The following SVEP1 variants were observed in gnomAD, a reference collection of about 807,000 sequenced individuals.
SVEP1 encodes the protein sushi, von Willebrand factor type A, EGF and pentraxin domain containing 1, also known as sushi, von Willebrand factor type A, EGF and pentraxin domain-containing protein 1.
Under a neutral mutation model 367.3 loss-of-function variants are expected in SVEP1, and 164 were observed. The observed-to-expected ratio is 0.45, with a 90% CI of 0.39 to 0.51. The LOEUF is 0.51. Among genes scored for constraint, SVEP1 ranks in the 20% least tolerant of loss-of-function variants. The probability of loss-of-function intolerance (pLI) is 0.00; values close to 1 mark genes in which losing one functional copy is unlikely to be tolerated. For missense variants in SVEP1, 4,117 were observed against 4,425.3 expected (o/e 0.93, Z 1.98); for synonymous variants, 1,666 against 1,611.6 (o/e 1.03, Z -0.81).
At chr9:110,550,994 GA>G (rs1162709039) in intron 1 of SVEP1, among the ~76,000 whole-genome samples, 1 of 152,114 alleles carries the variant, frequency 6.6e-6, no homozygotes, top group Non-Finnish European at 1.5e-5. Context: ...CAGATGAGTA[GA>G]AAAGATAAAG....
chr9:110,450,306 T>G, intron 23 of SVEP1, 46 bp from the exon 24 acceptor site: 16 of 1,588,218 alleles, frequency 1.0e-5, no homozygotes, highest in Non-Finnish European at 1.4e-5. Context: ...ATTAACTCCC[T>G]GGGAACACTG....
chr9:110,530,826 C>A, intron 3 of SVEP1, among the ~76,000 whole-genome samples: 1 of 152,216 alleles, frequency 6.6e-6, no homozygotes. Flanking sequence ...TGTGAGCCAC[C>A]GTGCCCAGTC....
At chr9:110,423,693 A>G (rs947958607) in intron 36 of SVEP1, among the ~76,000 whole-genome samples, 1 of 152,184 alleles carries the variant, frequency 6.6e-6, no homozygotes, top group Non-Finnish European at 1.5e-5. Context: ...TCTATAACAA[A>G]AGGCACCATA....
rs912763819 is a variant in SVEP1 at position 110,483,570 on chromosome 9, G to C, written c.2038+16C>G. On this transcript the variant is annotated intron_variant, in intron 10 of 47. Transcript: ENST00000374469. ...TCATTGCTACTATGCTGACAACAAA[G>C]TCCTTGTCACCTCACCTGAGTTGTC... is the stretch of plus-strand genomic sequence containing the variant. 9 of 1,585,578 alleles carry C rather than the reference G, an allele frequency of 5.7e-6. No individual in the cohort carries two copies. In the African/African-American group the frequency reaches 1.2e-4, roughly 22 times the overall value.
At chr9:110,413,408 G>A (rs147247592) in intron 36 of SVEP1, among the ~76,000 whole-genome samples, 18,599 of 120,706 alleles carry the variant, frequency 0.15, 1,757 homozygotes, top group Admixed American at 0.2. Flanking sequence ...GGGGGAGGGG[G>A]GAGGGATAGC....
At chr9:110,531,656 T>C (rs1169659856) in intron 3 of SVEP1, among the ~76,000 whole-genome samples, 1 of 152,194 alleles carries the variant, frequency 6.6e-6, no homozygotes, top group African/African-American at 2.4e-5. Context: ...GTCTCAGGTA[T>C]ATCATCATTA....
chr9:110,376,081 TGA>T (rs1827346650), intron 45 of SVEP1, among the ~76,000 whole-genome samples: 1 of 152,164 alleles, frequency 6.6e-6, no homozygotes, highest in Non-Finnish European at 1.5e-5. Context: ...TTAAAAGATG[TGA>T]GTTTGTTGCT....
At chr9:110,562,497 T>A (rs556804184) in intron 1 of SVEP1, among the ~76,000 whole-genome samples, 217 of 152,192 alleles carry the variant, frequency 1.4e-3, no homozygotes, top group Non-Finnish European at 2.6e-3. Flanking sequence ...AGTAAGATAA[T>A]CTCAAATGGC....
chr9:110,396,117 A>G (rs1330380877), intron 40 of SVEP1, among the ~76,000 whole-genome samples: 2 of 152,202 alleles, frequency 1.3e-5, no homozygotes, highest in Non-Finnish European at 2.9e-5. Context: ...TCCTCAGCAA[A>G]TGTAAAAGAA....
intron 39 of SVEP1, among the ~76,000 whole-genome samples, chr9:110,403,771 G>A (rs1402785881): frequency 5.3e-5 from 8 of 151,758 alleles, no homozygotes; most frequent in Non-Finnish European, 1.0e-4. Flanking sequence ...TTAGTGGAAA[G>A]ACCAAGGTTG....
At chr9:110,490,971 T>A (rs1829357713) in intron 8 of SVEP1, among the ~76,000 whole-genome samples, 1 of 152,020 alleles carries the variant, frequency 6.6e-6, no homozygotes, top group South Asian at 2.1e-4. Flanking sequence ...AAGCTACTCA[T>A]GAAATGATTT....
At chr9:110,528,187 T>TATATGC (rs1263820117) in intron 3 of SVEP1, among the ~76,000 whole-genome samples, 8 of 139,512 alleles carry the variant, frequency 5.7e-5, no homozygotes, top group Non-Finnish European at 9.4e-5. Context: ...TATATATATA[T>TATATGC]GCCACATTTT....
At chr9:110,376,106 A>G (rs1827346921) in intron 45 of SVEP1, among the ~76,000 whole-genome samples, 1 of 152,244 alleles carries the variant, frequency 6.6e-6, no homozygotes, top group Non-Finnish European at 1.5e-5. Context: ...GCTCCCCAAA[A>G]TCAAGTTCCC....
intron 1 of SVEP1, among the ~76,000 whole-genome samples, chr9:110,560,506 T>G (rs1163701660): frequency 1.3e-5 from 2 of 152,204 alleles, no homozygotes; most frequent in Non-Finnish European, 2.9e-5. Context: ...GGCAGTATCA[T>G]GTGAACTCAG....
At chr9:110,474,981 A>T (rs535162495) in intron 14 of SVEP1, among the ~76,000 whole-genome samples, 3 of 150,786 alleles carry the variant, frequency 2.0e-5, no homozygotes, top group South Asian at 4.2e-4. Flanking sequence ...TATATATCAT[A>T]GTATGGTATA....
Position 110,404,502 on chromosome 9 carries a change from T to C in SVEP1, c.9491A>G (p.Gln3164Arg). The change falls in exon 39 of 48, where the codon CAG (glutamine) becomes CGG (arginine). Residue 3164 changes from glutamine (Q) to arginine (R), a missense_variant. By Grantham distance (43) the Gln-to-Arg change is conservative. Around this residue, in one of 4 missense-constraint regions of SVEP1, gnomAD observed 1,765 missense variants for 1,781.1 expected, o/e 0.99. Transcript: ENST00000374469. The stretch of plus-strand genomic sequence containing the variant: ...CTCAGGGAACCAGCGACCATCTTTC[T>C]GACAGGTGAATGTATCTGTATCTGT... ...MDTDTDTFTC[Q>R]KDGRWFPERI... The C allele has an allele frequency of 1.2e-6, 2 of 1,614,014 alleles. No individual in the cohort carries two copies. The highest frequency in any genetic ancestry group is 1.7e-6 in the Non-Finnish European group (2 of 1,179,884).
At chr9:110,429,782 T>C (rs369313712) in intron 34 of SVEP1, 138 bp downstream of exon 34, 79 of 669,288 alleles carry the variant, frequency 1.2e-4, no homozygotes, top group Non-Finnish European at 1.7e-4. Flanking sequence ...GTTCACACTA[T>C]GTATCATTCG....
chr9:110,386,160 G>C, intron 42 of SVEP1, 86 bp from the exon 43 acceptor site: 1 of 1,422,970 alleles, frequency 7.0e-7, no homozygotes, highest in South Asian at 1.4e-5. Context: ...AGTCCTATAA[G>C]AGATGGGTTC....
At chr9:110,375,324 A>G (rs1235059354) in intron 46 of SVEP1, 44 bp downstream of exon 46, 2 of 1,501,464 alleles carry the variant, frequency 1.3e-6, no homozygotes, top group Non-Finnish European at 1.8e-6. Context: ...CTGGAGTTTC[A>G]TGGGCCTGAG....
Sources: allele counts gnomAD v4.1 joint callset (sites outside exome capture counted in the v4.1 genomes callset), GRCh38; gene constraint gnomAD v4.1.1; regional missense constraint gnomAD v4.1.1; transcripts MANE v1.5; gene names NCBI Gene and HGNC (gene_info 2026-07-23, HGNC 2026-07-21).